ERLEC1: variants seen among roughly 807,000 people sequenced by gnomAD.
ERLEC1 encodes the protein endoplasmic reticulum lectin 1.
In ERLEC1, 47 loss-of-function variants were observed where a neutral mutation model predicts 68.0. The observed-to-expected ratio is 0.69, with a 90% CI of 0.55 to 0.88. The LOEUF is 0.88. ERLEC1 is among the 40% of genes least tolerant of loss of function. The pLI is 0.00. For missense variants in ERLEC1, 567 were observed against 583.8 expected, an observed-to-expected ratio of 0.97 and a Z score of 0.30; for synonymous variants, 225 against 203.2, an observed-to-expected ratio of 1.11 and a Z score of -0.91.
At chr2:53,804,768 T>C (rs565507617) in intron 8 of ERLEC1, among the ~76,000 whole-genome samples, 1 of 152,220 alleles carries the variant, frequency 6.6e-6, no homozygotes, top group South Asian at 2.1e-4. Flanking sequence ...AGGTTTTTTT[T>C]GTACCCATTA....
chr2:53,815,010 T>C lies in ERLEC1; in HGVS notation c.1380+75T>C. ...ATTTTTTTTTCTTTTTTTTTTTTTT[T>C]TTTTTTGTTTTTTTGAGACGGAGTC... On this transcript the variant is annotated intron_variant, in intron 13 of 13. Transcript: ENST00000185150. 7 of 987,384 alleles carry C rather than the reference T, an allele frequency of 7.1e-6. No homozygotes were observed. The South Asian group carries it at 9.6e-5, about 14-fold the overall frequency. The allele number at this position is 987,384 out of a possible 1,614,324, so 61.2% of individuals were successfully genotyped here.
At chr2:53,817,865 C>T in intron 13 of ERLEC1, 33 bp from the exon 14 acceptor site, 6 of 1,422,324 alleles carry the variant, frequency 4.2e-6, no homozygotes, top group Non-Finnish European at 6.0e-6. Flanking sequence ...TTCAGCTTAG[C>T]AACTTTTTAA....
intron 2 of ERLEC1, among the ~76,000 whole-genome samples, chr2:53,795,659 C>G (rs1049274974): frequency 3.9e-5 from 6 of 151,924 alleles, no homozygotes; most frequent in Non-Finnish European, 5.9e-5. Context: ...CCTTTTTTCC[C>G]TCCATTCTTG....
At chr2:53,789,576 C>T (rs901032236) in intron 1 of ERLEC1, among the ~76,000 whole-genome samples, 9 of 151,988 alleles carry the variant, frequency 5.9e-5, no homozygotes, top group African/African-American at 1.7e-4. Flanking sequence ...TTCTTTAAGT[C>T]TGTGCTACTT....
intron 1 of ERLEC1, among the ~76,000 whole-genome samples, chr2:53,789,938 G>C (rs1023976008): frequency 1.3e-5 from 2 of 149,192 alleles, no homozygotes; most frequent in Admixed American, 6.7e-5. Flanking sequence ...AGAATCGCTT[G>C]AACCTTGGAG....
Position 53,813,006 on chromosome 2 carries a change from A to G in ERLEC1, c.1159A>G (p.Ile387Val). The change falls in exon 11 of 14, where the codon ATT (isoleucine) becomes GTT (valine). Residue 387 changes from isoleucine (I) to valine (V), a missense_variant. Coordinates refer to ENST00000185150, the MANE Select transcript of ERLEC1 (RefSeq NM_015701.5). Reference protein sequence around the residue: ...VVGTWNQEEHIEWAKKNTARA... With the variant: ...VVGTWNQEEHVEWAKKNTARA... The stretch of plus-strand genomic sequence containing the variant: ...CGGGACATGGAACCAAGAAGAGCAT[A>G]TTGAATGGGCTAAGAAGAATACTGC... The G allele has an allele frequency of 6.2e-7, 1 of 1,613,924 alleles. No homozygotes were observed. The highest frequency in any genetic ancestry group is 8.5e-7 in the Non-Finnish European group (1 of 1,179,946).
At position 53,805,899 on chromosome 2, in the gene ERLEC1, T is replaced by C. The variant is rs1382700243; in HGVS notation, c.880-2400T>C. Among the ~76,000 whole-genome samples the C allele has an allele frequency of 2.0e-5, 3 of 152,218 alleles. No homozygotes were observed. In the East Asian group the frequency reaches 5.8e-4, roughly 29 times the overall value. On this transcript the variant is annotated intron_variant, in intron 8 of 13. Transcript: ENST00000185150. The stretch of plus-strand genomic sequence containing the variant: ...TGATTTGCTTTTCTCTGATGATCAA[T>C]GATGTTGATACTTAGTATCTTTAGG...
rs776817847 is a variant in ERLEC1 at position 53,797,831 on chromosome 2, GA to G, written c.490+38del. ...ACCCAGTGATTTGACAGTAATGCTG[GA>G]ATTTGGTTTAAAATATATGTTCAAA... On this transcript the variant is annotated intron_variant, in intron 5 of 13. Coordinates refer to ENST00000185150, the MANE Select transcript of ERLEC1 (RefSeq NM_015701.5). The G allele has an allele frequency of 3.2e-5, 50 of 1,542,990 alleles. No homozygotes were observed. The African/African-American group carries it at 5.1e-4, about 16-fold the overall frequency.
In ERLEC1 at chr2:53,814,953, T is replaced by C. The variant is rs749053589; in HGVS notation, c.1380+18T>C. 1 of 1,321,400 alleles carries C rather than the reference T, an allele frequency of 7.6e-7. No individual in the cohort carries two copies. The highest frequency in any genetic ancestry group is 1.1e-6 in the Non-Finnish European group (1 of 947,404). 81.9% of individuals were successfully genotyped at this position (1,321,400 alleles called of 1,614,324 possible). A position where few individuals can be genotyped will look rare whatever the true frequency, so the allele number is the denominator to read the frequency against. On this transcript the variant is annotated intron_variant, in intron 13 of 13. Transcript: ENST00000185150. The stretch of plus-strand genomic sequence containing the variant: ...TTCTTGGGGTAAGTTAAAAAGAAAA[T>C]AATCAAAAATTCCATTTTGAGCCAT...
chr2:53,811,631 C>T (rs1047146033), intron 10 of ERLEC1, among the ~76,000 whole-genome samples: 2 of 151,886 alleles, frequency 1.3e-5, no homozygotes, highest in Non-Finnish European at 2.9e-5. Context: ...TCATAACAAC[C>T]TTAAGAAGTG....
intron 10 of ERLEC1, among the ~76,000 whole-genome samples, chr2:53,812,363 T>C (rs1490621727): frequency 6.6e-6 from 1 of 152,052 alleles, no homozygotes; most frequent in African/African-American, 2.4e-5. Flanking sequence ...TATAAGACAG[T>C]ATATAGTTAG....
Position 53,801,797 on chromosome 2 carries a change from G to A in ERLEC1, c.834G>A (p.Glu278=). ...AGCCCCTCACCCTGAGGCAGCTGGA[G>A]CAGCAGGAAGAAATACTAAGGGTGC... ...PFKPLTLRQL[E]QQEEILRVPF... is the part of the protein sequence containing the mutation. Residue 278 remains glutamate (E), a synonymous_variant, in exon 8 of 14, where the codon GAG becomes GAA. Coordinates refer to ENST00000185150, the MANE Select transcript of ERLEC1 (RefSeq NM_015701.5). 1.9e-6 allele frequency: 3 copies of A among 1,613,864 alleles called. No individual in the cohort carries two copies. Among genetic ancestry groups the A allele is most frequent in the Non-Finnish European group, 2.5e-6 (3 of 1,179,790 alleles).
chr2:53,809,312 G>C (rs1413019641), intron 10 of ERLEC1, 39 bp downstream of exon 10: 2 of 1,355,496 alleles, frequency 1.5e-6, no homozygotes, highest in African/African-American at 3.1e-5. Context: ...ACCACTAGAT[G>C]GTTTAAAGTT....
intron 8 of ERLEC1, among the ~76,000 whole-genome samples, chr2:53,802,491 T>C (rs1227564747): frequency 2.0e-5 from 3 of 152,206 alleles, no homozygotes; most frequent in African/African-American, 7.2e-5. Context: ...AGTTCAGGAC[T>C]TCATTATTTC....
At position 53,797,555 on chromosome 2, in the gene ERLEC1, A is replaced by T; in HGVS notation, c.389A>T (p.His130Leu). ...ACTTACGAAGTATGTCATGGAAAAC[A>T]CATTCGGCAGTACCATGAAGAGAAA... ...YWTYEVCHGK[H>L]IRQYHEEKET... The change falls in exon 4 of 14, where the codon CAC becomes CTC. Residue 130 changes from histidine (H) to leucine (L), a missense_variant. His to Leu is a moderately conservative substitution (Grantham distance 99). Transcript: ENST00000185150. 1 of 1,612,982 alleles carries T rather than the reference A, an allele frequency of 6.2e-7. No homozygotes were observed. Among genetic ancestry groups the T allele is most frequent in the South Asian group, 1.1e-5 (1 of 90,594 alleles).
chr2:53,797,463 T>C lies in ERLEC1; in HGVS notation c.349-52T>C, dbSNP rs1675774304. ...AGCTGCTTCAAATATCAGAAAGTAA[T>C]TCAGCTGAGTTATGTGGCTTTTGTG... On this transcript the variant is annotated intron_variant, in intron 3 of 13. Coordinates refer to ENST00000185150, the MANE Select transcript of ERLEC1 (RefSeq NM_015701.5). The C allele has an allele frequency of 3.0e-6, 4 of 1,349,776 alleles. No homozygotes were observed. The Admixed American group carries it at 8.5e-5, about 29-fold the overall frequency. 83.6% of individuals were successfully genotyped at this position (1,349,776 alleles called of 1,614,324 possible). A position where few individuals can be genotyped will look rare whatever the true frequency, so the allele number is the denominator to read the frequency against.
intron 8 of ERLEC1, among the ~76,000 whole-genome samples, chr2:53,806,300 T>C (rs777820981): frequency 2.0e-5 from 3 of 152,192 alleles, no homozygotes; most frequent in Non-Finnish European, 2.9e-5. Flanking sequence ...GGATGTTCTG[T>C]CCAGAAGAAG....
At chr2:53,807,303 GA>G (rs1302029836) in intron 8 of ERLEC1, among the ~76,000 whole-genome samples, 2 of 152,150 alleles carry the variant, frequency 1.3e-5, no homozygotes, top group Non-Finnish European at 2.9e-5. Context: ...TTCAAGAATT[GA>G]TTAAGAGTTT....
At position 53,795,902 on chromosome 2, in the gene ERLEC1, CTG is replaced by C. The variant is rs773847989; in HGVS notation, c.268-29_268-28del. The C allele has an allele frequency of 3.5e-6, 5 of 1,422,078 alleles. No individual in the cohort carries two copies. The East Asian group carries it at 1.2e-4, about 33-fold the overall frequency. 88.1% of individuals were successfully genotyped at this position (1,422,078 alleles called of 1,614,324 possible). A position where few individuals can be genotyped will look rare whatever the true frequency, so the allele number is the denominator to read the frequency against. ...AAAGTTGGGTGAAATTCTAGAAAAA[CTG>C]TAAGTATTAAACTCCAATTCTTTCT... On this transcript the variant is annotated intron_variant, in intron 2 of 13. Coordinates refer to ENST00000185150, the MANE Select transcript of ERLEC1 (RefSeq NM_015701.5).
Sources: gnomAD v4.1 joint callset for allele counts (sites outside exome capture counted in the v4.1 genomes callset) on GRCh38, gnomAD v4.1.1 for gene constraint, MANE v1.5 for transcripts, NCBI Gene and HGNC (gene_info 2026-07-23, HGNC 2026-07-21) for gene names.